SMIM19: variants seen among roughly 807,000 people sequenced by gnomAD.
SMIM19 encodes the protein UPF0697 protein C8orf40.
SMIM19 carries 6 observed loss-of-function variants against 13.2 expected under a neutral mutation model. That is an observed-to-expected ratio of 0.45 (90% CI 0.25 to 0.90). The LOEUF (loss-of-function observed/expected upper bound fraction) is 0.90, where lower values mean the gene tolerates loss of function less well. SMIM19 is among the 40% of genes least tolerant of loss of function. SMIM19 has a pLI of 0.19. For synonymous variants in SMIM19, 46 were observed against 43.1 expected (o/e 1.07, Z -0.27); for missense variants, 138 against 131.0 (o/e 1.05, Z -0.26).
chr8:42,549,353 A>G (rs1813591790), intron 3 of SMIM19, among the ~76,000 whole-genome samples: 1 of 152,098 alleles, frequency 6.6e-6, no homozygotes, highest in Non-Finnish European at 1.5e-5. Context: ...CAGAGGTTTC[A>G]GTGGCCTAAG....
rs76293169 is a variant in SMIM19 at position 42,546,512 on chromosome 8, A to T, written c.40A>T (p.Ile14Phe). ...GYGVMGDDGS[I>F]DYTVHEAWNE... is the part of the protein sequence containing the mutation. ...TGGAGTGATGGGTGACGATGGTTCT[A>T]TTGATTATACTGTTCACGAAGCCTG... Residue 14 changes from isoleucine (I) to phenylalanine (F), a missense_variant, in exon 2 of 4, where the codon ATT becomes TTT. Physicochemically the swap from Ile to Phe is conservative, Grantham distance 21. Coordinates refer to ENST00000417410, the MANE Select transcript of SMIM19 (RefSeq NM_001135674.2). The T allele has an allele frequency of 6.2e-7, 1 of 1,613,880 alleles. No homozygotes were observed. The highest frequency in any genetic ancestry group is 1.7e-5 in the Admixed American group (1 of 59,934).
chr8:42,543,621 G>C (rs1397492338), intron 1 of SMIM19, among the ~76,000 whole-genome samples: 6 of 152,304 alleles, frequency 3.9e-5, no homozygotes, highest in South Asian at 4.1e-4. Flanking sequence ...TAGCGCTTTT[G>C]AGTAGGAATA....
rs1014024720 is a variant in SMIM19, at chr8:42,555,116, G to C, written c.*2508G>C. 6.6e-6 allele frequency: 1 copy of C among 152,168 alleles called. No individual in the cohort carries two copies. Among genetic ancestry groups the C allele is most frequent in the Non-Finnish European group, 1.5e-5 (1 of 68,026 alleles). The allele number at this position is 152,168 out of a possible 1,614,324, so 9.4% of individuals were successfully genotyped here. Reference sequence around the variant, plus strand: ...TATGCATTAGAAGTAAGATAAAATAGTAATAAAAATAGTTTCAGATGTTAA... The same window carrying C: ...TATGCATTAGAAGTAAGATAAAATACTAATAAAAATAGTTTCAGATGTTAA... On this transcript the variant is annotated 3_prime_UTR_variant, in exon 4 of 4. Coordinates refer to ENST00000417410, the MANE Select transcript of SMIM19 (RefSeq NM_001135674.2).
chr8:42,550,918 T>C (rs1352680186), intron 3 of SMIM19, among the ~76,000 whole-genome samples: 1 of 152,222 alleles, frequency 6.6e-6, no homozygotes, highest in Non-Finnish European at 1.5e-5. Flanking sequence ...AACAGAATTC[T>C]TTTTTAAATA....
chr8:42,542,466 G>T, intron 1 of SMIM19, 93 bp downstream of exon 1: 1 of 985,342 alleles, frequency 1.0e-6, no homozygotes, highest in Non-Finnish European at 1.2e-6. Context: ...GGATTTTGTT[G>T]TAAGGGACTC....
In SMIM19 at chr8:42,548,604, A is replaced by C. The variant is rs1563568890; in HGVS notation, c.135-52A>C. On this transcript the variant is annotated intron_variant, in intron 2 of 3. Transcript: ENST00000417410. ...ATGACCAGGATCATGAGCATATTAC[A>C]ACTCTATAGACATTAATACAAACAT... 4.4e-6 allele frequency: 7 copies of C among 1,605,410 alleles called. No individual in the cohort carries two copies. In the East Asian group the frequency reaches 1.6e-4, roughly 36 times the overall value.
rs1024691452 is a variant in SMIM19 at position 42,554,072 on chromosome 8, G to A, written c.*1464G>A. The A allele has an allele frequency of 7.2e-5, 11 of 152,006 alleles. No individual in the cohort carries two copies. Among genetic ancestry groups the A allele is most frequent in the African/African-American group, 2.7e-4 (11 of 41,372 alleles). 9.4% of individuals were successfully genotyped at this position (152,006 alleles called of 1,614,324 possible). ...TATATACATTTTAAATGGAAATTAA[G>A]GTTTAGACCAAATAAAATCATTCAG... On this transcript the variant is annotated 3_prime_UTR_variant, in exon 4 of 4. Coordinates refer to ENST00000417410, the MANE Select transcript of SMIM19 (RefSeq NM_001135674.2).
chr8:42,552,370 A>C (rs923207517), intron 3 of SMIM19, among the ~76,000 whole-genome samples, 174 bp from the exon 4 acceptor site: 3 of 152,202 alleles, frequency 2.0e-5, no homozygotes, highest in African/African-American at 7.2e-5. Flanking sequence ...GTGAGCTGTG[A>C]TTGTGCCACT....
At chr8:42,542,430 A>G (rs1054856296) in intron 1 of SMIM19, 57 bp downstream of exon 1, 1 of 985,268 alleles carries the variant, frequency 1.0e-6, no homozygotes, top group Non-Finnish European at 1.2e-6. Context: ...GGGATGAGAG[A>G]AAGAAATCCC....
chr8:42,542,820 AAAAAT>A (rs1813304163), intron 1 of SMIM19, among the ~76,000 whole-genome samples: 3 of 151,616 alleles, frequency 2.0e-5, no homozygotes, highest in African/African-American at 7.3e-5. Context: ...TTAAAAAAAA[AAAAAT>A]AAGAATTACC....
In SMIM19 at chr8:42,552,765, C is replaced by T. The variant is rs1221042433; in HGVS notation, c.*157C>T. 7.3e-6 allele frequency: 6 copies of T among 825,940 alleles called. No homozygotes were observed. Among genetic ancestry groups the T allele is most frequent in the Non-Finnish European group, 1.1e-5 (6 of 539,880 alleles). The allele number at this position is 825,940 out of a possible 1,614,324, so 51.2% of individuals were successfully genotyped here. On this transcript the variant is annotated 3_prime_UTR_variant, in exon 4 of 4. Transcript: ENST00000417410. ...TGCATTGTTTTGCCTTTTTAAATTA[C>T]ATCTCCAAGTGGCTCAAAAGGCCTT...
At chr8:42,545,731 A>G (rs550481747) in intron 1 of SMIM19, among the ~76,000 whole-genome samples, 1 of 152,152 alleles carries the variant, frequency 6.6e-6, no homozygotes, top group Admixed American at 6.5e-5. Context: ...GGGTTTCACC[A>G]TGTTAGCCAG....
intron 3 of SMIM19, among the ~76,000 whole-genome samples, chr8:42,552,154 C>T (rs1023098956): frequency 3.3e-5 from 5 of 152,068 alleles, no homozygotes; most frequent in African/African-American, 7.2e-5. Flanking sequence ...TACAGTGGCT[C>T]ACATCTGTAA....
chr8:42,554,538 G>T lies in SMIM19; in HGVS notation c.*1930G>T, dbSNP rs1441488598. The T allele has an allele frequency of 1.3e-5, 2 of 152,204 alleles. No homozygotes were observed. Among genetic ancestry groups the T allele is most frequent in the African/African-American group, 4.8e-5 (2 of 41,450 alleles). The allele number at this position is 152,204 out of a possible 1,614,324, so 9.4% of individuals were successfully genotyped here. On this transcript the variant is annotated 3_prime_UTR_variant, in exon 4 of 4. Transcript: ENST00000417410. Reference sequence around the variant, plus strand: ...TAGTAGATTATTTGATGAGCATCAAGCCCTGGCAAGTGACAGGAGATGAAT... The same window carrying T: ...TAGTAGATTATTTGATGAGCATCAATCCCTGGCAAGTGACAGGAGATGAAT...
Position 42,553,943 on chromosome 8 carries a change from C to G in SMIM19, c.*1335C>G, listed in dbSNP as rs1339732926. On this transcript the variant is annotated 3_prime_UTR_variant, in exon 4 of 4. Transcript: ENST00000417410. ...GTTGCAATGAGCCAAGATCACACCACTGCATTCCAGCCTAGGCGACAGAGC... is the reference window on the plus strand; with the variant it reads ...GTTGCAATGAGCCAAGATCACACCAGTGCATTCCAGCCTAGGCGACAGAGC... The G allele has an allele frequency of 6.6e-6, 1 of 150,780 alleles. No individual in the cohort carries two copies. The highest frequency in any genetic ancestry group is 1.5e-5 in the Non-Finnish European group (1 of 67,972). 9.3% of individuals were successfully genotyped at this position (150,780 alleles called of 1,614,324 possible).
At position 42,554,487 on chromosome 8, in the gene SMIM19, A is replaced by G. The variant is rs962665432; in HGVS notation, c.*1879A>G. ...ACAATGAATTTCCTTTGTGTCCACT[A>G]GATAGAGATGGTCCTAACTACAAAC... On this transcript the variant is annotated 3_prime_UTR_variant, in exon 4 of 4. Transcript: ENST00000417410. The G allele has an allele frequency of 6.6e-6, 1 of 152,246 alleles. No homozygotes were observed. The highest frequency in any genetic ancestry group is 2.4e-5 in the African/African-American group (1 of 41,466). The allele number at this position is 152,246 out of a possible 1,614,324, so 9.4% of individuals were successfully genotyped here.
At chr8:42,547,509 A>G (rs1052515722) in intron 2 of SMIM19, among the ~76,000 whole-genome samples, 3 of 152,166 alleles carry the variant, frequency 2.0e-5, no homozygotes, top group Non-Finnish European at 4.4e-5. Context: ...CCCTTCATTG[A>G]GCACATTTTT....
At chr8:42,546,648 A>G in intron 2 of SMIM19, 42 bp downstream of exon 2, 1 of 1,583,604 alleles carries the variant, frequency 6.3e-7, no homozygotes, top group Non-Finnish European at 8.5e-7. Context: ...CTGTGCATTT[A>G]CAAGTTTTGC....
At chr8:42,550,140 A>G (rs572367068) in intron 3 of SMIM19, among the ~76,000 whole-genome samples, 1 of 152,238 alleles carries the variant, frequency 6.6e-6, no homozygotes, top group East Asian at 1.9e-4. Flanking sequence ...TCTGTATGAA[A>G]AATTCTAAGT....
Sources: gnomAD v4.1 joint callset for allele counts (sites outside exome capture counted in the v4.1 genomes callset) on GRCh38, gnomAD v4.1.1 for gene constraint, MANE v1.5 for transcripts, NCBI Gene and HGNC (gene_info 2026-07-23, HGNC 2026-07-21) for gene names.